HS6ST3: variants seen among roughly 807,000 people sequenced by gnomAD.
HS6ST3 encodes heparan sulfate 6-O-sulfotransferase 3, also known as heparan-sulfate 6-O-sulfotransferase 3.
A neutral mutation model predicts 36.7 loss-of-function variants in HS6ST3; 12 were observed. That is an observed-to-expected ratio of 0.33 (90% CI 0.21 to 0.53). The LOEUF is 0.53. HS6ST3 is among the 20% of genes least tolerant of loss of function. The pLI, the probability that HS6ST3 is intolerant of heterozygous loss-of-function variation, is 0.95. For synonymous variants in HS6ST3, 240 were observed against 257.5 expected (o/e 0.93, Z 0.65); for missense variants, 584 against 640.9 (o/e 0.91, Z 0.96).
At chr13:96,133,154 A>C (rs2053984362) in intron 1 of HS6ST3, among the ~76,000 whole-genome samples, 1 of 150,980 alleles carries the variant, frequency 6.6e-6, no homozygotes, top group Admixed American at 6.6e-5. Context: ...TTTGAGATGG[A>C]GTTTCGCTTT....
intron 1 of HS6ST3, among the ~76,000 whole-genome samples, chr13:96,216,308 G>GT (rs1187024982): frequency 3.9e-5 from 6 of 152,142 alleles, no homozygotes; most frequent in Non-Finnish European, 1.5e-5. Context: ...TTCCCATGCT[G>GT]TAAATAGTCT....
intron 1 of HS6ST3, among the ~76,000 whole-genome samples, chr13:96,372,516 T>C (rs923904494): frequency 1.3e-5 from 2 of 152,202 alleles, no homozygotes; most frequent in African/African-American, 4.8e-5. Context: ...TTTGCTTTTG[T>C]TGCCTGTGCT....
chr13:96,599,192 T>C (rs1478319552), intron 1 of HS6ST3, among the ~76,000 whole-genome samples: 2 of 152,088 alleles, frequency 1.3e-5, no homozygotes, highest in Non-Finnish European at 2.9e-5. Context: ...ACTAACTTTA[T>C]GGAATAGTTT....
chr13:96,402,010 A>G (rs551874969), intron 1 of HS6ST3, among the ~76,000 whole-genome samples: 7 of 152,244 alleles, frequency 4.6e-5, no homozygotes, highest in African/African-American at 1.7e-4. Context: ...GTCTCACTAC[A>G]TTGCCCAGGA....
At chr13:96,243,604 A>G (rs1056715734) in intron 1 of HS6ST3, among the ~76,000 whole-genome samples, 3 of 152,204 alleles carry the variant, frequency 2.0e-5, no homozygotes, top group Non-Finnish European at 2.9e-5. Context: ...TCATTAGACA[A>G]TCATTTAAAT....
chr13:96,355,327 G>T (rs897638598), intron 1 of HS6ST3, among the ~76,000 whole-genome samples: 1 of 149,906 alleles, frequency 6.7e-6, no homozygotes, highest in Non-Finnish European at 1.5e-5. Context: ...TCAAGACTTC[G>T]GTGGGGAAAG....
intron 1 of HS6ST3, among the ~76,000 whole-genome samples, chr13:96,380,615 C>G (rs1188094508): frequency 6.6e-6 from 1 of 152,102 alleles, no homozygotes; most frequent in Non-Finnish European, 1.5e-5. Context: ...TTTCAGGTAT[C>G]TACTTTATCA....
intron 1 of HS6ST3, among the ~76,000 whole-genome samples, chr13:96,632,041 A>G (rs977772215): frequency 1.4e-4 from 22 of 152,156 alleles, no homozygotes; most frequent in Admixed American, 1.3e-4. Flanking sequence ...CAATGCATCA[A>G]TATTAAGAGG....
chr13:96,453,130 G>A (rs995320458), intron 1 of HS6ST3, among the ~76,000 whole-genome samples: 1 of 150,606 alleles, frequency 6.6e-6, no homozygotes, highest in African/African-American at 2.4e-5. Context: ...TTTTACAATG[G>A]ACCATGTGTA....
At chr13:96,490,119 C>T (rs893172982) in intron 1 of HS6ST3, among the ~76,000 whole-genome samples, 7 of 152,184 alleles carry the variant, frequency 4.6e-5, no homozygotes, top group African/African-American at 1.7e-4. Flanking sequence ...GTTTTATAGG[C>T]AATAATTACA....
chr13:96,306,135 C>T (rs1410613643), intron 1 of HS6ST3, among the ~76,000 whole-genome samples: 15 of 139,864 alleles, frequency 1.1e-4, no homozygotes, highest in Non-Finnish European at 9.1e-5. Flanking sequence ...GACAGAGTCT[C>T]GTTCTGTCAC....
chr13:96,784,112 G>C (rs1355039599), intron 1 of HS6ST3, among the ~76,000 whole-genome samples: 1 of 146,596 alleles, frequency 6.8e-6, no homozygotes, highest in African/African-American at 2.5e-5. Flanking sequence ...AAAAAAAAAA[G>C]GAACTTTGAT....
rs551062548 is a variant in HS6ST3 at position 96,821,209 on chromosome 13, T to C, written c.708-11281T>C. Among the ~76,000 whole-genome samples, 18 of 152,338 alleles carry C rather than the reference T, an allele frequency of 1.2e-4. No homozygotes were observed. The South Asian group carries it at 2.9e-3, about 25-fold the overall frequency. Reference sequence around the variant, plus strand: ...GGATCCATGCACTCCTGTGCTAAAGTAGAACAGAGGCCCTGTGTTCCTTCT... The same window carrying C: ...GGATCCATGCACTCCTGTGCTAAAGCAGAACAGAGGCCCTGTGTTCCTTCT... On this transcript the variant is annotated intron_variant, in intron 1 of 1. Transcript: ENST00000376705.
intron 1 of HS6ST3, among the ~76,000 whole-genome samples, chr13:96,604,781 G>A (rs1413547666): frequency 1.3e-5 from 2 of 152,114 alleles, no homozygotes; most frequent in Admixed American, 6.6e-5. Flanking sequence ...TTTTTACTTT[G>A]TTTCTTCTTT....
intron 1 of HS6ST3, among the ~76,000 whole-genome samples, chr13:96,693,262 A>G (rs1310670639): frequency 6.6e-6 from 1 of 152,144 alleles, no homozygotes; most frequent in African/African-American, 2.4e-5. Context: ...TTTGATAGAA[A>G]TAACTTTGCT....
At chr13:96,491,554 TC>T (rs2055945794) in intron 1 of HS6ST3, among the ~76,000 whole-genome samples, 1 of 151,806 alleles carries the variant, frequency 6.6e-6, no homozygotes, top group Admixed American at 6.6e-5. Flanking sequence ...AAATGGGGGT[TC>T]CCAGTTGTCT....
chr13:96,225,091 AGTATTT>A (rs1397505975), intron 1 of HS6ST3, among the ~76,000 whole-genome samples: 1 of 152,218 alleles, frequency 6.6e-6, no homozygotes, highest in Non-Finnish European at 1.5e-5. Context: ...AAGCATCGTA[AGTATTT>A]TGGGAGCTTA....
At chr13:96,302,533 A>T (rs2054889017) in intron 1 of HS6ST3, among the ~76,000 whole-genome samples, 1 of 147,776 alleles carries the variant, frequency 6.8e-6, no homozygotes, top group South Asian at 2.3e-4. Flanking sequence ...GTGTAATATG[A>T]TAATTACTTT....
At chr13:96,706,441 A>ATAT (rs1875428838) in intron 1 of HS6ST3, among the ~76,000 whole-genome samples, 8 of 142,448 alleles carry the variant, frequency 5.6e-5, no homozygotes, top group East Asian at 2.0e-4. Flanking sequence ...ATATATATAT[A>ATAT]ATCAGGGAAA....
Sources: allele counts gnomAD v4.1 joint callset (sites outside exome capture counted in the v4.1 genomes callset), GRCh38; gene constraint gnomAD v4.1.1; transcripts MANE v1.5; gene names NCBI Gene and HGNC (gene_info 2026-07-23, HGNC 2026-07-21).